Variants in DGKB observed in about 807,000 individuals in gnomAD.
DGKB encodes diacylglycerol kinase beta.
Under a neutral mutation model 114.3 loss-of-function variants are expected in DGKB, and 67 were observed. The observed-to-expected ratio is 0.59, with a 90% confidence interval of 0.48 to 0.72. The LOEUF is 0.72. DGKB is among the 30% of genes least tolerant of loss of function. DGKB has a pLI of 0.00. For missense variants in DGKB, 907 were observed against 975.2 expected (o/e 0.93, Z 0.93); for synonymous variants, 398 against 323.1 (o/e 1.23, Z -2.49).
chr7:14,433,734 T>A (rs1279137837), intron 21 of DGKB, among the ~76,000 whole-genome samples: 1 of 152,146 alleles, frequency 6.6e-6, no homozygotes, highest in Non-Finnish European at 1.5e-5. Flanking sequence ...GGGTAGAGTA[T>A]TCCTTATCTA....
intron 21 of DGKB, among the ~76,000 whole-genome samples, chr7:14,378,168 T>C (rs1383152276): frequency 2.0e-5 from 3 of 152,278 alleles, no homozygotes; most frequent in South Asian, 2.1e-4. Flanking sequence ...GCAGGACATA[T>C]TGGAAGACAA....
intron 25 of DGKB, among the ~76,000 whole-genome samples, chr7:14,154,336 A>G (rs1341973062): frequency 4.6e-5 from 7 of 151,982 alleles, no homozygotes; most frequent in Admixed American, 3.9e-4. Context: ...GAATGATTAT[A>G]TATTTTTTAT....
intron 21 of DGKB, among the ~76,000 whole-genome samples, chr7:14,394,671 T>TA (rs1414804969): frequency 1.3e-5 from 2 of 151,806 alleles, no homozygotes; most frequent in Non-Finnish European, 2.9e-5. Context: ...TGACCATTTT[T>TA]TTTTTATTTT....
At chr7:14,683,883 A>C (rs1473855230) in intron 10 of DGKB, among the ~76,000 whole-genome samples, 1 of 152,016 alleles carries the variant, frequency 6.6e-6, no homozygotes, top group Non-Finnish European at 1.5e-5. Flanking sequence ...CACCACACTA[A>C]TCAGTAAAAA....
intron 23 of DGKB, among the ~76,000 whole-genome samples, chr7:14,311,721 T>C (rs1805424015): frequency 1.3e-5 from 2 of 152,220 alleles, no homozygotes; most frequent in Non-Finnish European, 2.9e-5. Flanking sequence ...CCTCCATGCC[T>C]GGTCATTTTT....
intron 20 of DGKB, among the ~76,000 whole-genome samples, chr7:14,558,537 C>CT (rs974584993): frequency 2.0e-5 from 3 of 151,900 alleles, no homozygotes; most frequent in African/African-American, 7.2e-5. Flanking sequence ...AAGATTTCTG[C>CT]TTTTTTAAAA....
chr7:14,340,158 G>GC (rs1811365323), intron 22 of DGKB, among the ~76,000 whole-genome samples: 1 of 95,766 alleles, frequency 1.0e-5, no homozygotes, highest in Admixed American at 1.2e-4. Context: ...TCTGGATGAT[G>GC]CTTTTTTTTT....
At chr7:14,192,812 T>A (rs886600664) in intron 23 of DGKB, among the ~76,000 whole-genome samples, 1 of 152,074 alleles carries the variant, frequency 6.6e-6, no homozygotes, top group Non-Finnish European at 1.5e-5. Context: ...CTCACTATAA[T>A]GTTGAGTCAG....
At chr7:14,357,070 C>A (rs914264133) in intron 21 of DGKB, among the ~76,000 whole-genome samples, 1 of 152,180 alleles carries the variant, frequency 6.6e-6, no homozygotes, top group Non-Finnish European at 1.5e-5. Context: ...AATGTATATT[C>A]TGTTGATTTG....
At chr7:14,820,525 C>T (rs1372508774) in intron 2 of DGKB, among the ~76,000 whole-genome samples, 1 of 152,110 alleles carries the variant, frequency 6.6e-6, no homozygotes, top group African/African-American at 2.4e-5. Context: ...CAAATATAAT[C>T]AGGAAATTGT....
intron 1 of DGKB, among the ~76,000 whole-genome samples, chr7:14,967,950 T>C (rs990707767): frequency 4.6e-5 from 7 of 152,090 alleles, no homozygotes; most frequent in African/African-American, 9.7e-5. Context: ...TAATAATTAC[T>C]GAGGATTAAT....
chr7:14,295,734 C>A (rs1390218001), intron 23 of DGKB, among the ~76,000 whole-genome samples: 2 of 152,024 alleles, frequency 1.3e-5, no homozygotes, highest in African/African-American at 4.8e-5. Flanking sequence ...GTTCTAAGTT[C>A]TCGGATACAT....
At chr7:14,265,631 T>A (rs1389314139) in intron 23 of DGKB, among the ~76,000 whole-genome samples, 3 of 152,100 alleles carry the variant, frequency 2.0e-5, no homozygotes, top group African/African-American at 4.8e-5. Flanking sequence ...ATAATTACAT[T>A]TTTTTAAGCT....
At chr7:14,584,664 TA>T (rs1251314574) in intron 17 of DGKB, among the ~76,000 whole-genome samples, 2 of 152,038 alleles carry the variant, frequency 1.3e-5, no homozygotes, top group African/African-American at 2.4e-5. Context: ...TTTTTATTTT[TA>T]TTTTTTTTTT....
At chr7:14,457,390 C>G (rs1427538764) in intron 21 of DGKB, among the ~76,000 whole-genome samples, 1 of 152,076 alleles carries the variant, frequency 6.6e-6, no homozygotes, top group African/African-American at 2.4e-5. Flanking sequence ...ACCTAAAATA[C>G]ACAAGATTTG....
At chr7:14,798,569 G>A (rs12530995) in intron 2 of DGKB, among the ~76,000 whole-genome samples, 21 of 152,220 alleles carry the variant, frequency 1.4e-4, no homozygotes, top group Admixed American at 3.9e-4. Context: ...GAGAGCAAAG[G>A]GGGAGTTTTC....
chr7:14,298,590 A>G (rs1052582053), intron 23 of DGKB, among the ~76,000 whole-genome samples: 1 of 151,730 alleles, frequency 6.6e-6, no homozygotes, highest in Non-Finnish European at 1.5e-5. Context: ...TAAGACCTAA[A>G]GCCATAAAAC....
intron 17 of DGKB, among the ~76,000 whole-genome samples, chr7:14,600,419 C>T (rs1234052930): frequency 6.6e-6 from 1 of 152,154 alleles, no homozygotes; most frequent in Non-Finnish European, 1.5e-5. Context: ...AAGTAAAATA[C>T]ATCCATTCTA....
chr7:14,486,382 G>A (rs920879257), intron 20 of DGKB, among the ~76,000 whole-genome samples: 2 of 152,198 alleles, frequency 1.3e-5, no homozygotes, highest in African/African-American at 4.8e-5. Flanking sequence ...GGATCATGCA[G>A]AATACTGGGG....
Sources: allele counts gnomAD v4.1 joint callset (sites outside exome capture counted in the v4.1 genomes callset), GRCh38; gene constraint gnomAD v4.1.1; transcripts MANE v1.5; gene names NCBI Gene and HGNC (gene_info 2026-07-23, HGNC 2026-07-21).